Variants in NR1H2 observed in about 807,000 individuals in gnomAD.
NR1H2 encodes oxysterols receptor LXR-beta.
A neutral mutation model predicts 51.2 loss-of-function variants in NR1H2; 33 were observed. The ratio of observed to expected loss-of-function variants is 0.64; its 90% CI spans 0.49 to 0.86. The LOEUF (loss-of-function observed/expected upper bound fraction) is 0.86. NR1H2 is among the 40% of genes least tolerant of loss of function. NR1H2 has a pLI of 0.00. For synonymous variants in NR1H2, 310 were observed against 264.3 expected (o/e 1.17, Z -1.68); for missense variants, 592 against 639.9 (o/e 0.93, Z 0.81).
intron 4 of NR1H2, 138 bp from the exon 5 acceptor site, chr19:50,378,011 C>A: frequency 1.4e-6 from 2 of 1,422,690 alleles, no homozygotes; most frequent in Non-Finnish European, 1.9e-6. Context: ...TTCTAAATTG[C>A]AATTTCCCTG....
In NR1H2 at chr19:50,379,159, T is replaced by G. The variant is rs768337954; in HGVS notation, c.905T>G (p.Leu302Arg). Residue 302 changes from leucine (L) to arginine (R), a missense_variant, in exon 7 of 10, where the codon CTC becomes CGC. By Grantham distance (102) the Leu-to-Arg change is moderately radical. This residue lies in a region of NR1H2 where 102 missense variants were observed against 152.4 expected (regional missense o/e 0.67). Transcript: ENST00000253727. Reference protein sequence around the residue: ...LQLGREDQIALLKASTIEIML... With the variant: ...LQLGREDQIARLKASTIEIML... ...CTGGGCCGGGAGGACCAGATCGCCC[T>G]CCTGAAGGCATCCACTATCGAGGTA... The G allele has an allele frequency of 1.9e-6, 3 of 1,612,984 alleles. No homozygotes were observed. Among genetic ancestry groups the G allele is most frequent in the Non-Finnish European group, 1.7e-6 (2 of 1,179,528 alleles).
rs1159580413 is a variant in NR1H2 at position 50,383,251 on chromosome 19, A to G, written c.*649A>G. Reference sequence around the variant, plus strand: ...ATCAGAACTCACCCTTGAAGGATAAACAGGATTTAAGTGAATGAGGGGACC... The same window carrying G: ...ATCAGAACTCACCCTTGAAGGATAAGCAGGATTTAAGTGAATGAGGGGACC... On this transcript the variant is annotated 3_prime_UTR_variant, in exon 10 of 10. Transcript: ENST00000253727. 6.6e-6 allele frequency among the ~76,000 whole-genome samples: 1 copy of G among 152,226 alleles called. No homozygotes were observed. Among genetic ancestry groups the G allele is most frequent in the Non-Finnish European group, 1.5e-5 (1 of 68,036 alleles).
chr19:50,381,481 C>G lies in NR1H2; in HGVS notation c.1028-485C>G, dbSNP rs147580130. Among the ~76,000 whole-genome samples, 3 of 152,326 alleles carry G rather than the reference C, an allele frequency of 2.0e-5. No individual in the cohort carries two copies. In the East Asian group the frequency reaches 5.8e-4, roughly 29 times the overall value. ...AATGTGTTTGTCTATGACCGGTCCC[C>G]TAGGCTCTCAAATGTAAGTGCTGGA... On this transcript the variant is annotated intron_variant, in intron 8 of 9. Transcript: ENST00000253727.
chr19:50,378,535 A>G lies in NR1H2; in HGVS notation c.486A>G (p.Glu162=), dbSNP rs1187304730. Reference sequence around the variant, plus strand: ...ATCCCCCTACAGGCGTCCTTTCTGAAGAACAGATCCGGAAGAAGAAGATTC... The same window carrying G: ...ATCCCCCTACAGGCGTCCTTTCTGAGGAACAGATCCGGAAGAAGAAGATTC... The part of the protein sequence containing the change: ...AGMREQCVLS[E]EQIRKKKIRK... Residue 162 remains glutamate, a synonymous_variant, in exon 6 of 10, where the codon GAA becomes GAG. Coordinates refer to ENST00000253727, the MANE Select transcript of NR1H2 (RefSeq NM_007121.7). 6.2e-7 allele frequency: 1 copy of G among 1,605,648 alleles called. No individual in the cohort carries two copies. Among genetic ancestry groups the G allele is most frequent in the Admixed American group, 1.7e-5 (1 of 59,180 alleles).
At position 50,377,638 on chromosome 19, in the gene NR1H2, C is replaced by T. The variant is rs767154423; in HGVS notation, c.33C>T (p.Thr11=). 5 of 1,613,772 alleles carry T rather than the reference C, an allele frequency of 3.1e-6. No homozygotes were observed. Among genetic ancestry groups the T allele is most frequent in the Admixed American group, 1.7e-5 (1 of 59,954 alleles). Residue 11 remains threonine, a synonymous_variant, in exon 3 of 10, where the codon ACC becomes ACT. Coordinates refer to ENST00000253727, the MANE Select transcript of NR1H2 (RefSeq NM_007121.7). ...CTCCTACCACGAGTTCCCTGGATACCCCCCTGCCTGGTGAGTGACTCTCTT... is the reference window on the plus strand; with the variant it reads ...CTCCTACCACGAGTTCCCTGGATACTCCCCTGCCTGGTGAGTGACTCTCTT... MSSPTTSSLD[T]PLPGNGPPQP... is the part of the protein sequence containing the mutation.
chr19:50,382,052 C>G lies in NR1H2; in HGVS notation c.1114C>G (p.Leu372Val), dbSNP rs2037776448. The stretch of plus-strand genomic sequence containing the variant: ...CCTGGACGACGCTGAGTACGCCCTG[C>G]TCATCGCCATCAACATCTTCTCGGC... ...LGLDDAEYAL[L>V]IAINIFSADR... Residue 372 changes from leucine to valine, a missense_variant, in exon 9 of 10, where the codon CTC (leucine) becomes GTC (valine). Leu to Val is a conservative substitution (Grantham distance 32). This residue lies in a region of NR1H2 where 174 missense variants were observed against 174.0 expected (regional missense o/e 1.00). Coordinates refer to ENST00000253727, the MANE Select transcript of NR1H2 (RefSeq NM_007121.7). The G allele has an allele frequency of 1.3e-6, 2 of 1,560,284 alleles. No individual in the cohort carries two copies. The highest frequency in any genetic ancestry group is 1.7e-6 in the Non-Finnish European group (2 of 1,152,204).
intron 8 of NR1H2, 76 bp downstream of exon 8, chr19:50,379,955 T>C (rs2037739609): frequency 2.1e-6 from 2 of 941,550 alleles, no homozygotes; most frequent in African/African-American, 3.2e-5. Context: ...TCATCCCTGT[T>C]GGAGTCTCTG....
chr19:50,381,856 T>C, intron 8 of NR1H2, 110 bp from the exon 9 acceptor site: 1 of 926,352 alleles, frequency 1.1e-6, no homozygotes, highest in Non-Finnish European at 1.6e-6. Context: ...ACAAGAACGC[T>C]GTAATTACTG....
intron 1 of NR1H2, 48 bp from the exon 2 acceptor site, chr19:50,376,667 CTCCT>C (rs1199145877): frequency 6.6e-6 from 1 of 152,430 alleles, no homozygotes; most frequent in African/African-American, 2.4e-5. Context: ...GCCCCCTTCT[CTCCT>C]TCCATTTCCT....
chr19:50,379,890 G>A lies in NR1H2; in HGVS notation c.1027+11G>A, dbSNP rs2037738110. On this transcript the variant is annotated intron_variant, in intron 8 of 9. Transcript: ENST00000253727. Reference sequence around the variant, plus strand: ...ACTTCCACCGTGCAGGTAGGGCCCAGGGGAGGCTTCGGGGAGGCTTGGCGC... The same window carrying A: ...ACTTCCACCGTGCAGGTAGGGCCCAAGGGAGGCTTCGGGGAGGCTTGGCGC... 2 of 1,598,804 alleles carry A rather than the reference G, an allele frequency of 1.3e-6. No homozygotes were observed. Among genetic ancestry groups the A allele is most frequent in the African/African-American group, 1.3e-5 (1 of 74,708 alleles).
In NR1H2 at chr19:50,378,519, C is replaced by T. The variant is rs1475904030; in HGVS notation, c.473-3C>T. ...TTCTGCTGAGGCCTGCATCCCCCTA[C>T]AGGCGTCCTTTCTGAAGAACAGATC... On this transcript the variant is annotated splice_polypyrimidine_tract_variant and splice_region_variant and intron_variant, in intron 5 of 9. Transcript: ENST00000253727. 5 of 1,604,362 alleles carry T rather than the reference C, an allele frequency of 3.1e-6. No individual in the cohort carries two copies. The highest frequency in any genetic ancestry group is 4.3e-6 in the Non-Finnish European group (5 of 1,174,208).
Position 50,378,249 on chromosome 19 carries a change from C to G in NR1H2, c.282C>G (p.Ala94=), listed in dbSNP as rs1026439125. 1.2e-6 allele frequency: 2 copies of G among 1,613,510 alleles called. No individual in the cohort carries two copies. Among genetic ancestry groups the G allele is most frequent in the Non-Finnish European group, 1.7e-6 (2 of 1,180,040 alleles). ...TTTGCCGTGTCTGTGGGGACAAGGC[C>G]TCCGGCTTCCACTACAACGTGCTCA... ...HELCRVCGDK[A]SGFHYNVLSC... The change falls in exon 5 of 10, where the codon GCC becomes GCG. Residue 94 remains alanine, a synonymous_variant. Transcript: ENST00000253727.
Position 50,382,722 on chromosome 19 carries a change from C to T in NR1H2, c.*120C>T. 1 of 1,099,834 alleles carries T rather than the reference C, an allele frequency of 9.1e-7. No homozygotes were observed. Among genetic ancestry groups the T allele is most frequent in the South Asian group, 1.6e-5 (1 of 61,844 alleles). The allele number at this position is 1,099,834 out of a possible 1,614,324, so 68.1% of individuals were successfully genotyped here. ...GGCCGAGCCTGTAGACCTATCGGCTCTCATCCCTTGGGATAAGCCCCAGTC... is the reference window on the plus strand; with the variant it reads ...GGCCGAGCCTGTAGACCTATCGGCTTTCATCCCTTGGGATAAGCCCCAGTC... On this transcript the variant is annotated 3_prime_UTR_variant, in exon 10 of 10. Coordinates refer to ENST00000253727, the MANE Select transcript of NR1H2 (RefSeq NM_007121.7).
chr19:50,378,355 A>C lies in NR1H2; in HGVS notation c.388A>C (p.Thr130Pro). 1 of 1,612,042 alleles carries C rather than the reference A, an allele frequency of 6.2e-7. No homozygotes were observed. ...GCGCTATGCCTGCCGGGGTGGCGGA[A>C]CCTGCCAGATGGACGCTTTCATGCG... ...ARRYACRGGG[T>P]CQMDAFMRRK... Residue 130 changes from threonine to proline, a missense_variant, in exon 5 of 10, where the codon ACC becomes CCC. This residue lies in a region of NR1H2 where 316 missense variants were observed against 313.4 expected (regional missense o/e 1.01). Coordinates refer to ENST00000253727, the MANE Select transcript of NR1H2 (RefSeq NM_007121.7).
At chr19:50,377,999 C>T (rs2037697221) in intron 4 of NR1H2, 129 bp downstream of exon 4, 5 of 1,426,716 alleles carry the variant, frequency 3.5e-6, no homozygotes, top group Admixed American at 4.6e-5. Flanking sequence ...ACATATACAT[C>T]TTTCTAAATT....
chr19:50,382,108 C>A lies in NR1H2; in HGVS notation c.1170C>A (p.Arg390=). 6.5e-7 allele frequency: 1 copy of A among 1,546,450 alleles called. No individual in the cohort carries two copies. The highest frequency in any genetic ancestry group is 8.7e-7 in the Non-Finnish European group (1 of 1,146,970). The change falls in exon 9 of 10, where the codon CGC becomes CGA. Residue 390 remains arginine (R), a synonymous_variant. Coordinates refer to ENST00000253727, the MANE Select transcript of NR1H2 (RefSeq NM_007121.7). ...ADRPNVQEPG[R]VEALQQPYVE... is the part of the protein sequence containing the mutation. ...GGCCCAACGTGCAGGAGCCGGGCCGCGTGGAGGCGTTGCAGCAGCCCTACG... is the reference window on the plus strand; with the variant it reads ...GGCCCAACGTGCAGGAGCCGGGCCGAGTGGAGGCGTTGCAGCAGCCCTACG...
chr19:50,380,927 A>G (rs995709443), intron 8 of NR1H2, among the ~76,000 whole-genome samples: 6 of 152,330 alleles, frequency 3.9e-5, no homozygotes, highest in African/African-American at 9.6e-5. Flanking sequence ...GGGTCCTGTC[A>G]GCACTTAAGG....
chr19:50,381,987 A>G lies in NR1H2; in HGVS notation c.1049A>G (p.Asn350Ser), dbSNP rs1335254200. 6 of 1,561,324 alleles carry G rather than the reference A, an allele frequency of 3.8e-6. No individual in the cohort carries two copies. In the Admixed American group the frequency reaches 7.6e-5, roughly 20 times the overall value. Reference sequence around the variant, plus strand: ...GCAGGCCTGCAGGTGGAGTTCATCAACCCCATCTTCGAGTTCTCGCGGGCC... The same window carrying G: ...GCAGGCCTGCAGGTGGAGTTCATCAGCCCCATCTTCGAGTTCTCGCGGGCC... ...HRAGLQVEFI[N>S]PIFEFSRAMR... Residue 350 changes from asparagine to serine, a missense_variant, in exon 9 of 10, where the codon AAC becomes AGC. This residue lies in a region of NR1H2 where 174 missense variants were observed against 174.0 expected (regional missense o/e 1.00). Coordinates refer to ENST00000253727, the MANE Select transcript of NR1H2 (RefSeq NM_007121.7).
chr19:50,382,298 C>T, intron 9 of NR1H2, 124 bp downstream of exon 9: 4 of 1,337,240 alleles, frequency 3.0e-6, no homozygotes, highest in Non-Finnish European at 4.0e-6. Flanking sequence ...AGGCCCCACC[C>T]TGCTCGACTG....
Sources: allele counts gnomAD v4.1 joint callset (sites outside exome capture counted in the v4.1 genomes callset), GRCh38; gene constraint gnomAD v4.1.1; regional missense constraint gnomAD v4.1.1; transcripts MANE v1.5; gene names NCBI Gene and HGNC (gene_info 2026-07-23, HGNC 2026-07-21).